The following RFX3 variants were observed in gnomAD, a reference collection of about 807,000 sequenced individuals.
The protein encoded by RFX3 is regulatory factor X3.
RFX3 carries 14 observed loss-of-function variants against 98.6 expected under a neutral mutation model. The ratio of observed to expected loss-of-function variants is 0.14; its 90% CI spans 0.09 to 0.22. RFX3 has a LOEUF of 0.22. RFX3 is among the 10% of genes least tolerant of loss of function. RFX3 has a pLI of 1.00. For synonymous variants in RFX3, 383 were observed against 328.4 expected (o/e 1.17, Z -1.80); for missense variants, 639 against 926.9 (o/e 0.69, Z 4.03).
chr9:3,400,821 G>A (rs904911879), intron 1 of RFX3, among the ~76,000 whole-genome samples: 24 of 152,142 alleles, frequency 1.6e-4, no homozygotes, highest in African/African-American at 5.8e-4. Flanking sequence ...CCTGATGGAG[G>A]TGTTATCCCC....
intron 1 of RFX3, among the ~76,000 whole-genome samples, chr9:3,398,862 T>C (rs1258279070): frequency 2.9e-5 from 4 of 136,784 alleles, no homozygotes; most frequent in African/African-American, 8.3e-5. Flanking sequence ...CATGTATACA[T>C]ATGTAACTAA....
chr9:3,409,312 A>G (rs558690848), intron 1 of RFX3, among the ~76,000 whole-genome samples: 6 of 152,232 alleles, frequency 3.9e-5, no homozygotes, highest in Non-Finnish European at 8.8e-5. Flanking sequence ...ACACTTGTTA[A>G]CCAATTGAAT....
intron 2 of RFX3, among the ~76,000 whole-genome samples, chr9:3,381,711 C>G (rs1425073212): frequency 6.6e-6 from 1 of 151,802 alleles, no homozygotes; most frequent in Non-Finnish European, 1.5e-5. Context: ...GCTGAAATTA[C>G]TACTAATAAA....
intron 15 of RFX3, chr9:3,247,737 A>C: frequency 6.5e-7 from 1 of 1,537,958 alleles, no homozygotes; most frequent in Non-Finnish European, 8.7e-7. Flanking sequence ...CACTTAAAAT[A>C]TTTTTCATAT....
Position 3,346,671 on chromosome 9 carries a change from C to T in RFX3, c.211G>A (p.Ala71Thr). Residue 71 changes from alanine (A) to threonine (T), a missense_variant, in exon 3 of 17, where the codon GCA becomes ACA. Transcript: ENST00000617270. ...EGSDTVYTNG[A>T]IRTTTYPYTE... ...GACTTCCACATATAAACTTACATTGCTCCATTGGTATAGACAGTATCGCTT... is the reference window on the plus strand; with the variant it reads ...GACTTCCACATATAAACTTACATTGTTCCATTGGTATAGACAGTATCGCTT... 2 of 1,599,876 alleles carry T rather than the reference C, an allele frequency of 1.3e-6. No homozygotes were observed. The highest frequency in any genetic ancestry group is 1.7e-6 in the Non-Finnish European group (2 of 1,167,176).
Position 3,293,187 on chromosome 9 carries a change from G to C in RFX3, c.621C>G (p.His207Gln). 1 of 1,613,338 alleles carries C rather than the reference G, an allele frequency of 6.2e-7. No homozygotes were observed. Among genetic ancestry groups the C allele is most frequent in the Non-Finnish European group, 8.5e-7 (1 of 1,179,584 alleles). ...TGTGTTCCTGACAGTGTCGAAGGTA[G>C]TGGTTGTACAGAGTGCTTCTGGGAA... ...VSLPRSTLYN[H>Q]YLRHCQEHKL... The change falls in exon 6 of 17, where the codon CAC becomes CAG. Residue 207 changes from histidine to glutamine, a missense_variant. Physicochemically the swap from His to Gln is conservative, Grantham distance 24. Around this residue, in one of 9 missense-constraint regions of RFX3, gnomAD observed 24 missense variants for 74.5 expected, o/e 0.32. Transcript: ENST00000617270.
rs930509105 is a variant in RFX3, at chr9:3,414,503, A to G, written c.-8-18907T>C. Among the ~76,000 whole-genome samples the G allele has an allele frequency of 2.7e-5, 4 of 150,942 alleles. 1 individual carries two copies. The South Asian group carries it at 8.3e-4, about 31-fold the overall frequency. The stretch of plus-strand genomic sequence containing the variant: ...CTAACATATATATATGTGTATATAC[A>G]TATATAAGAGTATATATATATGTGT... On this transcript the variant is annotated intron_variant, in intron 1 of 16. Coordinates refer to ENST00000617270, the MANE Select transcript of RFX3 (RefSeq NM_001282116.2).
chr9:3,301,777 C>T (rs1373517737), intron 4 of RFX3, among the ~76,000 whole-genome samples, 157 bp from the exon 5 acceptor site: 1 of 151,794 alleles, frequency 6.6e-6, no homozygotes, highest in African/African-American at 2.4e-5. Flanking sequence ...TCTTCCCCAC[C>T]CTCCAGAGAA....
At chr9:3,313,739 T>G (rs1830237747) in intron 4 of RFX3, among the ~76,000 whole-genome samples, 1 of 152,182 alleles carries the variant, frequency 6.6e-6, no homozygotes, top group Non-Finnish European at 1.5e-5. Flanking sequence ...CAAGCTTCAG[T>G]AGCCGATTTG....
intron 1 of RFX3, among the ~76,000 whole-genome samples, chr9:3,419,105 T>C (rs376633717): frequency 6.6e-6 from 1 of 152,214 alleles, no homozygotes; most frequent in Admixed American, 6.5e-5. Flanking sequence ...AAGGGTAACA[T>C]TCAGCAGTAT....
chr9:3,417,198 A>G (rs896162419), intron 1 of RFX3, among the ~76,000 whole-genome samples: 6 of 152,076 alleles, frequency 3.9e-5, no homozygotes, highest in Non-Finnish European at 7.4e-5. Flanking sequence ...TCCAATATAC[A>G]TAAAACGAAA....
At chr9:3,416,155 T>TG (rs1564071945) in intron 1 of RFX3, among the ~76,000 whole-genome samples, 1 of 152,220 alleles carries the variant, frequency 6.6e-6, no homozygotes, top group Non-Finnish European at 1.5e-5. Context: ...TTTGAAGTCC[T>TG]GCCAAGCAAT....
chr9:3,246,574 A>C (rs1820707338), intron 15 of RFX3, among the ~76,000 whole-genome samples: 1 of 152,230 alleles, frequency 6.6e-6, no homozygotes, highest in African/African-American at 2.4e-5. Context: ...TGTGTTAAGT[A>C]TACTAAAAGG....
intron 12 of RFX3, among the ~76,000 whole-genome samples, chr9:3,265,371 C>T (rs1284538481): frequency 2.6e-5 from 4 of 152,174 alleles, no homozygotes; most frequent in Non-Finnish European, 4.4e-5. Context: ...ACTTTAAGCC[C>T]AAGCAAACGA....
chr9:3,266,770 C>G (rs1358678765), intron 11 of RFX3, among the ~76,000 whole-genome samples: 1 of 152,136 alleles, frequency 6.6e-6, no homozygotes, highest in African/African-American at 2.4e-5. Flanking sequence ...TTTCTCTATG[C>G]ATCTATTTAC....
intron 2 of RFX3, among the ~76,000 whole-genome samples, chr9:3,354,958 C>A (rs960773882): frequency 6.6e-5 from 10 of 151,396 alleles, no homozygotes; most frequent in Admixed American, 4.0e-4. Context: ...GCAGGAATGA[C>A]AAAAATAGCA....
At chr9:3,488,546 G>C (rs1028978683) in intron 1 of RFX3, among the ~76,000 whole-genome samples, 3 of 152,022 alleles carry the variant, frequency 2.0e-5, no homozygotes, top group African/African-American at 7.2e-5. Context: ...TTATTTCCTA[G>C]GAAAACTACT....
intron 2 of RFX3, among the ~76,000 whole-genome samples, chr9:3,392,489 T>C (rs905354436): frequency 1.4e-5 from 2 of 147,528 alleles, no homozygotes; most frequent in Non-Finnish European, 3.0e-5. Flanking sequence ...GCCTGAACAA[T>C]GAAATTGAAA....
At chr9:3,274,821 G>A (rs1233612491) in intron 9 of RFX3, among the ~76,000 whole-genome samples, 1 of 151,234 alleles carries the variant, frequency 6.6e-6, no homozygotes, top group Admixed American at 6.6e-5. Context: ...ACATTTTCTT[G>A]TTCTTTCTCC....
Sources: allele counts gnomAD v4.1 joint callset (sites outside exome capture counted in the v4.1 genomes callset), GRCh38; gene constraint gnomAD v4.1.1; regional missense constraint gnomAD v4.1.1; transcripts MANE v1.5; gene names NCBI Gene and HGNC (gene_info 2026-07-23, HGNC 2026-07-21).